NUP93: variants seen among roughly 807,000 people sequenced by gnomAD.
The protein encoded by NUP93 is nucleoporin 93, also known as nuclear pore complex protein Nup93.
NUP93 carries 55 observed loss-of-function variants against 107.8 expected under a neutral mutation model. The observed-to-expected ratio is 0.51, with a 90% CI of 0.41 to 0.64. The LOEUF is 0.64. Ranked by LOEUF, NUP93 falls within the 30% of genes least tolerant of loss-of-function variation. The probability of loss-of-function intolerance (pLI) is 0.00; values close to 1 mark genes in which losing one functional copy is unlikely to be tolerated. For missense variants in NUP93, 937 were observed against 1,044.7 expected (o/e 0.90, Z 1.42); for synonymous variants, 390 against 397.5 (o/e 0.98, Z 0.22).
At chr16:56,838,860 C>G (rs1332463680) in intron 18 of NUP93, 92 bp from the exon 19 acceptor site, 1 of 872,384 alleles carries the variant, frequency 1.1e-6, no homozygotes, top group Admixed American at 2.0e-5. Flanking sequence ...CGACCACACC[C>G]CACTGTTTTT....
At chr16:56,838,844 C>A in intron 18 of NUP93, 108 bp from the exon 19 acceptor site, 1 of 776,546 alleles carries the variant, frequency 1.3e-6, no homozygotes, top group Non-Finnish European at 2.2e-6. Context: ...AGATTACAGG[C>A]ATGAGCGACC....
chr16:56,815,321 G>T (rs190394558), intron 5 of NUP93, among the ~76,000 whole-genome samples: 2 of 152,258 alleles, frequency 1.3e-5, no homozygotes, highest in East Asian at 3.9e-4. Context: ...CCAGCTTTTG[G>T]ATAGCTCTGT....
chr16:56,753,415 A>G (rs558691238), intron 2 of NUP93, among the ~76,000 whole-genome samples: 8 of 151,920 alleles, frequency 5.3e-5, no homozygotes, highest in Non-Finnish European at 1.2e-4. Context: ...GAGCATGTTA[A>G]ATGATATCAT....
At chr16:56,735,304 G>A (rs918670568) in intron 1 of NUP93, among the ~76,000 whole-genome samples, 5 of 152,202 alleles carry the variant, frequency 3.3e-5, no homozygotes, top group Admixed American at 2.0e-4. Flanking sequence ...CAAAGTCATC[G>A]AGCTAAAGAG....
At chr16:56,828,879 G>T in intron 8 of NUP93, 98 bp from the exon 9 acceptor site, 1 of 1,269,270 alleles carries the variant, frequency 7.9e-7, no homozygotes, top group Non-Finnish European at 1.1e-6. Flanking sequence ...TCTAGGCCCT[G>T]CCCTTCCAAG....
chr16:56,841,914 A>G (rs1964034261), intron 21 of NUP93, 81 bp downstream of exon 21: 1 of 1,552,244 alleles, frequency 6.4e-7, no homozygotes, highest in Admixed American at 1.8e-5. Context: ...ATGAGACCAC[A>G]TGACCCAAAA....
At chr16:56,774,578 A>T (rs941967028) in intron 3 of NUP93, among the ~76,000 whole-genome samples, 2 of 152,244 alleles carry the variant, frequency 1.3e-5, no homozygotes, top group African/African-American at 4.8e-5. Context: ...ATCAGTCTGC[A>T]TATTTGAAAA....
At position 56,834,750 on chromosome 16, in the gene NUP93, G is replaced by C; in HGVS notation, c.1754G>C (p.Gly585Ala). ...CTTCCACAGTTCGATATGATTCTTGGGAAACTAGAGAATGACGGAAGTAGA... is the reference window on the plus strand; with the variant it reads ...CTTCCACAGTTCGATATGATTCTTGCGAAACTAGAGAATGACGGAAGTAGA... Reference protein sequence around the residue: ...IESREFDMILGKLENDGSRKP... With the variant: ...IESREFDMILAKLENDGSRKP... The change falls in exon 16 of 22, where the codon GGG (glycine) becomes GCG (alanine). Residue 585 changes from glycine to alanine, a missense_variant. Physicochemically the swap from Gly to Ala is moderately conservative, Grantham distance 60. Coordinates refer to ENST00000308159, the MANE Select transcript of NUP93 (RefSeq NM_014669.5). 1 of 1,612,070 alleles carries C rather than the reference G, an allele frequency of 6.2e-7. No homozygotes were observed. The highest frequency in any genetic ancestry group is 1.1e-5 in the South Asian group (1 of 90,868).
At chr16:56,758,020 G>A (rs57001653) in intron 2 of NUP93, among the ~76,000 whole-genome samples, 1,886 of 151,860 alleles carry the variant, frequency 0.012, 38 homozygotes, top group African/African-American at 0.043. Context: ...ACAGTGAGCC[G>A]AGATCATGCC....
chr16:56,828,363 T>G (rs1192832499), intron 8 of NUP93, among the ~76,000 whole-genome samples: 3 of 152,150 alleles, frequency 2.0e-5, no homozygotes, highest in African/African-American at 7.2e-5. Context: ...GTTATATTTT[T>G]GATAATAATA....
In NUP93 at chr16:56,831,721, C is replaced by T. The variant is rs1178953985; in HGVS notation, c.1086-121C>T. On this transcript the variant is annotated intron_variant, in intron 10 of 21. Transcript: ENST00000308159. ...AGGGGATGGGGCAGAGACAGTGTCT[C>T]TTACCCCGGATGAAGGAAGGCTTCC... 4.0e-6 allele frequency: 4 copies of T among 1,000,144 alleles called. No individual in the cohort carries two copies. The African/African-American group carries it at 4.9e-5, about 12-fold the overall frequency. 62.0% of individuals were successfully genotyped at this position (1,000,144 alleles called of 1,614,324 possible). A position where few individuals can be genotyped will look rare whatever the true frequency, so the allele number is the denominator to read the frequency against.
intron 21 of NUP93, among the ~76,000 whole-genome samples, chr16:56,843,964 A>G (rs1299142583): frequency 1.3e-5 from 2 of 152,232 alleles, no homozygotes; most frequent in African/African-American, 2.4e-5. Flanking sequence ...AGGGCTAAGC[A>G]TGTATGTCGG....
At chr16:56,747,052 C>T (rs1961831943) in intron 1 of NUP93, among the ~76,000 whole-genome samples, 1 of 150,038 alleles carries the variant, frequency 6.7e-6, no homozygotes, top group African/African-American at 2.5e-5. Flanking sequence ...GGCTGGAATG[C>T]AGTGGTGTGA....
chr16:56,767,784 G>A (rs12444584), intron 3 of NUP93, among the ~76,000 whole-genome samples: 30,973 of 151,978 alleles, frequency 0.2, 3,405 homozygotes, highest in Middle Eastern at 0.33. Context: ...AGGGCCTGGC[G>A]GACCCTTGAA....
chr16:56,740,459 A>G (rs1281362618), intron 1 of NUP93, among the ~76,000 whole-genome samples: 4 of 149,370 alleles, frequency 2.7e-5, no homozygotes, highest in African/African-American at 9.9e-5. Context: ...CTCACTTCCT[A>G]GATGTGATGG....
At position 56,839,088 on chromosome 16, in the gene NUP93, G is replaced by A; in HGVS notation, c.2136+19G>A. The A allele has an allele frequency of 6.4e-7, 1 of 1,555,368 alleles. No individual in the cohort carries two copies. Among genetic ancestry groups the A allele is most frequent in the South Asian group, 1.1e-5 (1 of 89,492 alleles). ...TTTTGATGTAAGTTTCAGGAAAGGT[G>A]TTTGAAGTGCAGGTTAATGTACACC... On this transcript the variant is annotated intron_variant, in intron 19 of 21. Coordinates refer to ENST00000308159, the MANE Select transcript of NUP93 (RefSeq NM_014669.5).
At chr16:56,818,791 A>C in intron 6 of NUP93, 53 bp downstream of exon 6, 4 of 1,441,438 alleles carry the variant, frequency 2.8e-6, no homozygotes, top group Non-Finnish European at 1.9e-6. Context: ...GTGAACCTCT[A>C]GGGAGTAAAA....
In NUP93 at chr16:56,848,532, C is replaced by CA; in HGVS notation, c.*3924dup. On this transcript the variant is annotated 3_prime_UTR_variant, in exon 22 of 22. Coordinates refer to ENST00000308159, the MANE Select transcript of NUP93 (RefSeq NM_014669.5). ...TGAATCCACAAGTCTTCCCATCTTC[C>CA]ACCATCTTCTGACAGTTCCATAATA... The CA allele has an allele frequency of 6.6e-6, 1 of 152,328 alleles. No homozygotes were observed. Among genetic ancestry groups the CA allele is most frequent in the East Asian group, 1.9e-4 (1 of 5,190 alleles). 9.4% of individuals were successfully genotyped at this position (152,328 alleles called of 1,614,324 possible).
intron 3 of NUP93, among the ~76,000 whole-genome samples, chr16:56,786,432 T>C (rs542223740): frequency 1.3e-5 from 2 of 152,238 alleles, no homozygotes; most frequent in Non-Finnish European, 2.9e-5. Flanking sequence ...TGCATCTGAC[T>C]CCATTTCTTT....
Sources: gnomAD v4.1 joint callset for allele counts (sites outside exome capture counted in the v4.1 genomes callset) on GRCh38, gnomAD v4.1.1 for gene constraint, MANE v1.5 for transcripts, NCBI Gene and HGNC (gene_info 2026-07-23, HGNC 2026-07-21) for gene names.